RBFOX1: variants seen among roughly 807,000 people sequenced by gnomAD.
The protein encoded by RBFOX1 is RNA binding protein fox-1 homolog 1.
Under a neutral mutation model 57.7 loss-of-function variants are expected in RBFOX1, and 8 were observed. The observed-to-expected ratio is 0.14, with a 90% CI of 0.08 to 0.25. RBFOX1 has a LOEUF of 0.25. Among genes scored for constraint, RBFOX1 ranks in the 10% least tolerant of loss-of-function variants. The pLI, the probability that RBFOX1 is intolerant of heterozygous loss-of-function variation, is 1.00. For synonymous variants in RBFOX1, 326 were observed against 222.4 expected, an observed-to-expected ratio of 1.47 and a Z score of -4.15; for missense variants, 611 against 548.5, an observed-to-expected ratio of 1.11 and a Z score of -1.14.
At chr16:5,304,802 G>A (rs9935265) in intron 1 of RBFOX1, among the ~76,000 whole-genome samples, 10,607 of 151,616 alleles carry the variant, frequency 0.07, 1,213 homozygotes, top group African/African-American at 0.24. Flanking sequence ...CTGAGACCTC[G>A]AGGACTGGTA....
chr16:6,813,271 C>T (rs2089216646), intron 3 of RBFOX1, among the ~76,000 whole-genome samples: 1 of 152,152 alleles, frequency 6.6e-6, no homozygotes, highest in African/African-American at 2.4e-5. Flanking sequence ...TTCTTTCTGG[C>T]AGTCCTCAAA....
chr16:7,707,875 C>T (rs767269430), intron 14 of RBFOX1, among the ~76,000 whole-genome samples: 14 of 152,134 alleles, frequency 9.2e-5, no homozygotes, highest in East Asian at 1.9e-4. Flanking sequence ...ACACCCCATT[C>T]GGTAAGTCAC....
At chr16:7,405,520 G>A (rs2098325919) in intron 4 of RBFOX1, among the ~76,000 whole-genome samples, 1 of 152,198 alleles carries the variant, frequency 6.6e-6, no homozygotes, top group Non-Finnish European at 1.5e-5. Flanking sequence ...GCTGACCGGA[G>A]CAACCCTCTT....
chr16:6,540,662 C>T (rs1258497647), intron 2 of RBFOX1, among the ~76,000 whole-genome samples: 6 of 145,328 alleles, frequency 4.1e-5, no homozygotes, highest in South Asian at 4.5e-4. Context: ...TCTGTACAGA[C>T]GTTTCAAGAA....
intron 2 of RBFOX1, among the ~76,000 whole-genome samples, chr16:5,579,669 G>A (rs2046594505): frequency 6.6e-6 from 1 of 152,048 alleles, no homozygotes. Context: ...CCCCAACTGG[G>A]TACACCAGGT....
chr16:6,400,831 G>T (rs2093039894), intron 2 of RBFOX1, among the ~76,000 whole-genome samples: 1 of 152,188 alleles, frequency 6.6e-6, no homozygotes. Context: ...GGAGGCAGAG[G>T]TTGCAGTGAG....
At position 6,011,058 on chromosome 16, in the gene RBFOX1, A is replaced by G. The variant is rs2094958328; in HGVS notation, c.351+143723A>G. ...ATATTTCATCCTAAATGGCTTAAAT[A>G]TCTTTACTTATCCATTTGTAATAAA... On this transcript the variant is annotated intron_variant, in intron 4 of 19. Coordinates refer to the RBFOX1 transcript ENST00000641259. Among the ~76,000 whole-genome samples, 5 of 152,236 alleles carry G rather than the reference A, an allele frequency of 3.3e-5. No individual in the cohort carries two copies. The South Asian group carries it at 1.0e-3, about 31-fold the overall frequency.
At chr16:6,991,908 C>G (rs997364247) in intron 3 of RBFOX1, among the ~76,000 whole-genome samples, 1 of 152,156 alleles carries the variant, frequency 6.6e-6, no homozygotes, top group South Asian at 2.1e-4. Context: ...TTCTTAGATC[C>G]TACCCACAGA....
chr16:7,069,210 A>G (rs2056810204), intron 4 of RBFOX1, among the ~76,000 whole-genome samples: 1 of 152,102 alleles, frequency 6.6e-6, no homozygotes, highest in South Asian at 2.1e-4. Flanking sequence ...ATTGTTTTTT[A>G]AGTTCCAGGA....
At chr16:5,410,128 G>A (rs915912963) in intron 1 of RBFOX1, among the ~76,000 whole-genome samples, 6 of 151,698 alleles carry the variant, frequency 4.0e-5, no homozygotes, top group African/African-American at 1.5e-4. Flanking sequence ...CTTTGGGAGA[G>A]CAATGTGGGT....
At chr16:6,058,892 T>C (rs761593539) in intron 1 of RBFOX1, among the ~76,000 whole-genome samples, 22 of 152,070 alleles carry the variant, frequency 1.4e-4, no homozygotes, top group Middle Eastern at 3.4e-3. Flanking sequence ...AGCTATCATG[T>C]ATACAGTAAT....
rs75060859 is a variant in RBFOX1, at chr16:5,347,003, T to G, written c.219+106898T>G. Among the ~76,000 whole-genome samples the G allele has an allele frequency of 2.3e-3, 344 of 152,262 alleles. 6 individuals are homozygous for G. The East Asian group carries it at 0.049, about 22-fold the overall frequency. On this transcript the variant is annotated intron_variant, in intron 1 of 2. Transcript: ENST00000585867. ...GCTCTGTCTGCCTGGAAACTTTTTT[T>G]TTTTGCTAACACACCTACTTGGCTT...
intron 14 of RBFOX1, among the ~76,000 whole-genome samples, chr16:7,687,251 T>G (rs2076263000): frequency 6.6e-6 from 1 of 152,050 alleles, no homozygotes; most frequent in East Asian, 1.9e-4. Context: ...CTGAATGGGA[T>G]TTGTACCATT....
At chr16:7,473,258 A>G (rs1190806852) in intron 4 of RBFOX1, among the ~76,000 whole-genome samples, 2 of 151,802 alleles carry the variant, frequency 1.3e-5, no homozygotes, top group African/African-American at 4.8e-5. Context: ...GGTGCCTGTA[A>G]TCCCAGCTAC....
intron 2 of RBFOX1, among the ~76,000 whole-genome samples, chr16:6,480,535 A>G (rs73524640): frequency 2.6e-5 from 4 of 152,344 alleles, no homozygotes; most frequent in Admixed American, 2.0e-4. Context: ...TTAAAGTATC[A>G]AAACCATTTT....
chr16:5,628,692 C>A (rs554474561), intron 3 of RBFOX1, among the ~76,000 whole-genome samples: 2 of 152,308 alleles, frequency 1.3e-5, no homozygotes, highest in Non-Finnish European at 2.9e-5. Context: ...TATTACAGTC[C>A]TTGATATCAA....
chr16:5,722,743 G>A (rs1026259054), intron 3 of RBFOX1, among the ~76,000 whole-genome samples: 2 of 152,152 alleles, frequency 1.3e-5, no homozygotes, highest in African/African-American at 4.8e-5. Flanking sequence ...TTCTATGCTT[G>A]TAATATTCCC....
At chr16:5,950,655 A>G (rs141093892) in intron 4 of RBFOX1, among the ~76,000 whole-genome samples, 2 of 152,312 alleles carry the variant, frequency 1.3e-5, no homozygotes, top group East Asian at 1.9e-4. Context: ...ATTATTTTGC[A>G]CTTACCTGGC....
intron 4 of RBFOX1, among the ~76,000 whole-genome samples, chr16:7,189,235 C>G (rs1321005794): frequency 1.3e-5 from 2 of 151,740 alleles, no homozygotes; most frequent in East Asian, 3.9e-4. Flanking sequence ...ACCATCCTGG[C>G]TAACACAGTG....
Sources: allele counts gnomAD v4.1 joint callset (sites outside exome capture counted in the v4.1 genomes callset), GRCh38; gene constraint gnomAD v4.1.1; transcripts MANE v1.5; gene names NCBI Gene and HGNC (gene_info 2026-07-23, HGNC 2026-07-21).